The following NPM3 variants were observed in gnomAD, a reference collection of about 807,000 sequenced individuals.
The protein encoded by NPM3 is nucleoplasmin-3.
In NPM3, 12 loss-of-function variants were observed where a neutral mutation model predicts 18.1. The observed-to-expected ratio is 0.66, with a 90% CI of 0.42 to 1.07. The LOEUF (loss-of-function observed/expected upper bound fraction) is 1.07, where lower values mean the gene tolerates loss of function less well. NPM3 is among the 50% of genes least tolerant of loss of function. The pLI is 0.00. For synonymous variants in NPM3, 116 were observed against 93.7 expected, an observed-to-expected ratio of 1.24 and a Z score of -1.38; for missense variants, 274 against 232.1, an observed-to-expected ratio of 1.18 and a Z score of -1.17.
intron 1 of NPM3, 147 bp downstream of exon 1, chr10:101,783,126 G>T: frequency 1.2e-6 from 1 of 803,388 alleles, no homozygotes; most frequent in East Asian, 2.5e-5. Flanking sequence ...CACCCCCTTT[G>T]GCTGTGCGTG....
intron 2 of NPM3, 52 bp downstream of exon 2, chr10:101,782,787 T>C: frequency 6.3e-7 from 1 of 1,598,994 alleles, no homozygotes. Context: ...GGTAGAGACC[T>C]ATATTGCCTG....
chr10:101,783,424 C>G (rs200727580), upstream of NPM3: 1 of 1,497,898 alleles, frequency 6.7e-7, no homozygotes, highest in Non-Finnish European at 9.1e-7. Flanking sequence ...CCGCCCCCGA[C>G]ACGCACAAAG....
chr10:101,783,033 C>G, intron 1 of NPM3, 109 bp from the exon 2 acceptor site: 1 of 936,336 alleles, frequency 1.1e-6, no homozygotes, highest in Non-Finnish European at 1.6e-6. Flanking sequence ...GTCATTTACA[C>G]GTCCACCTCC....
exon 5 of NPM3, chr10:101,781,851 G>A (rs2065143287): frequency 1.9e-6 from 3 of 1,613,968 alleles, no homozygotes; most frequent in Non-Finnish European, 1.7e-6. Context: ...ATTGCTCATC[G>A]TAACTGGTGG....
rs375535356 is a variant in NPM3 at position 101,783,230 on chromosome 10, T to C, written c.118+43A>G. On this transcript the variant is annotated intron_variant, in intron 1 of 5. Coordinates refer to ENST00000370110, the Ensembl canonical transcript of NPM3. The stretch of plus-strand genomic sequence containing the variant: ...CATTCCCGCCTCACATCCCTACCTC[T>C]TACCGCCCCAGTACCACCCTCAGCC... The C allele has an allele frequency of 1.1e-5, 15 of 1,410,656 alleles. No individual in the cohort carries two copies. The African/African-American group carries it at 1.7e-4, about 16-fold the overall frequency. 87.4% of individuals were successfully genotyped at this position (1,410,656 alleles called of 1,614,324 possible).
chr10:101,783,149 T>C (rs934812221), intron 1 of NPM3, 124 bp downstream of exon 1: 61 of 879,620 alleles, frequency 6.9e-5, no homozygotes, highest in Middle Eastern at 2.3e-4. Flanking sequence ...AGGCCCCCTC[T>C]CCTGCGGGAA....
At chr10:101,782,909 C>G (rs774043022) in exon 2 of NPM3, 1 of 1,614,018 alleles carries the variant, frequency 6.2e-7, no homozygotes, top group Non-Finnish European at 8.5e-7. Context: ...GCGGGTGTGG[C>G]CGGAGAGCTC....
chr10:101,782,302 T>C (rs1564635533), exon 4 of NPM3: 1 of 1,614,036 alleles, frequency 6.2e-7, no homozygotes. Context: ...AGAGCCCGAC[T>C]TCAGGCGGAA....
intron 1 of NPM3, 32 bp from the exon 2 acceptor site, chr10:101,782,956 G>A (rs779113883): frequency 1.9e-6 from 3 of 1,602,418 alleles, no homozygotes; most frequent in Admixed American, 3.4e-5. Context: ...ATGCCTGAGC[G>A]TGTGTACGGG....
At position 101,781,717 on chromosome 10, in the gene NPM3, C is replaced by G. The variant is rs528704540; in HGVS notation, c.*9+10G>C. The G allele has an allele frequency of 4.3e-6, 7 of 1,612,532 alleles. No homozygotes were observed. The highest frequency in any genetic ancestry group is 5.1e-6 in the Non-Finnish European group (6 of 1,179,310). ...CCAGAGCCTGCTAGGCACTTCTCCCCGCAACTCACCTAGGAGGGCTAGGGC... is the reference window on the plus strand; with the variant it reads ...CCAGAGCCTGCTAGGCACTTCTCCCGGCAACTCACCTAGGAGGGCTAGGGC... On this transcript the variant is annotated intron_variant, in intron 5 of 5. Transcript: ENST00000370110.
At chr10:101,782,440 C>A in intron 3 of NPM3, 38 bp downstream of exon 3, 1 of 1,601,138 alleles carries the variant, frequency 6.2e-7, no homozygotes, top group Non-Finnish European at 8.5e-7. Flanking sequence ...CCCTCACCAC[C>A]ACCACCACCA....
At chr10:101,781,664 G>T in intron 5 of NPM3, 32 bp from the exon 6 acceptor site, 1 of 1,555,320 alleles carries the variant, frequency 6.4e-7, no homozygotes. Context: ...TCAGCATTTA[G>T]GCCCTCACCT....
In NPM3 at chr10:101,783,153, G is replaced by A. The variant is rs184550302; in HGVS notation, c.118+120C>T. 3.7e-4 allele frequency: 326 copies of A among 891,266 alleles called. 1 individual carries two copies. The African/African-American group carries it at 4.8e-3, about 13-fold the overall frequency. The allele number at this position is 891,266 out of a possible 1,614,324, so 55.2% of individuals were successfully genotyped here. A position where few individuals can be genotyped will look rare whatever the true frequency, so the allele number is the denominator to read the frequency against. The stretch of plus-strand genomic sequence containing the variant: ...CTGTGCGTGCGAGGCCCCCTCTCCT[G>A]CGGGAACAGCGAAGCAGCCCTCCGC... On this transcript the variant is annotated intron_variant, in intron 1 of 5. Transcript: ENST00000370110.
At chr10:101,782,957 T>C in intron 1 of NPM3, 33 bp from the exon 2 acceptor site, 1 of 1,603,964 alleles carries the variant, frequency 6.2e-7, no homozygotes, top group Non-Finnish European at 8.5e-7. Flanking sequence ...TGCCTGAGCG[T>C]GTGTACGGGG....
intron 3 of NPM3, 54 bp from the exon 4 acceptor site, chr10:101,782,405 G>A: frequency 6.2e-7 from 1 of 1,604,274 alleles, no homozygotes; most frequent in Non-Finnish European, 8.5e-7. Flanking sequence ...ACCCCACACT[G>A]TAATGAGTGC....
In NPM3 at chr10:101,783,259, C is replaced by T. The variant is rs2065157445; in HGVS notation, c.118+14G>A. 1 of 1,567,404 alleles carries T rather than the reference C, an allele frequency of 6.4e-7. No individual in the cohort carries two copies. The highest frequency in any genetic ancestry group is 8.7e-7 in the Non-Finnish European group (1 of 1,144,826). On this transcript the variant is annotated intron_variant, in intron 1 of 5. Coordinates refer to ENST00000370110, the Ensembl canonical transcript of NPM3. ...CGCCCCAGTACCACCCTCAGCCTCT[C>T]CCTTCACTAATACCGAAGAAAAAAC...
exon 2 of NPM3, chr10:101,782,853 G>A: frequency 6.2e-7 from 1 of 1,614,158 alleles, no homozygotes; most frequent in Non-Finnish European, 8.5e-7. Flanking sequence ...GTTAGTGCCA[G>A]CACGTGCTCC....
At chr10:101,782,395 AC>A in intron 3 of NPM3, 44 bp from the exon 4 acceptor site, 2 of 1,606,424 alleles carry the variant, frequency 1.2e-6, no homozygotes, top group Non-Finnish European at 1.7e-6. Flanking sequence ...CTCCTAGCCC[AC>A]CCCACACTGT....
At chr10:101,782,622 G>A (rs2065150586) in intron 2 of NPM3, 25 bp from the exon 3 acceptor site, 2 of 1,612,922 alleles carry the variant, frequency 1.2e-6, no homozygotes, top group African/African-American at 1.3e-5. Flanking sequence ...CAGGGCCTCA[G>A]GGTCTCCTCA....
Sources: gnomAD v4.1 joint callset for allele counts on GRCh38, gnomAD v4.1.1 for gene constraint, MANE v1.5 for transcripts, NCBI Gene and HGNC (gene_info 2026-07-23, HGNC 2026-07-21) for gene names.